MYO5B: variants seen among roughly 807,000 people sequenced by gnomAD.
The protein encoded by MYO5B is myosin VB.
MYO5B carries 143 observed loss-of-function variants against 229.3 expected under a neutral mutation model. That is an observed-to-expected ratio of 0.62 (90% CI 0.54 to 0.72). The LOEUF is 0.72. MYO5B is among the 30% of genes least tolerant of loss of function. MYO5B has a pLI of 0.00. For synonymous variants in MYO5B, 918 were observed against 885.2 expected (o/e 1.04, Z -0.66); for missense variants, 2,321 against 2,331.0 (o/e 1.00, Z 0.09).
intron 22 of MYO5B, among the ~76,000 whole-genome samples, chr18:49,890,614 C>T (rs1287942791): frequency 6.6e-6 from 1 of 152,120 alleles, no homozygotes; most frequent in Non-Finnish European, 1.5e-5. Flanking sequence ...CTTATGTTTT[C>T]AAGAGGGATA....
At chr18:50,022,886 G>A (rs1361358170) in intron 4 of MYO5B, among the ~76,000 whole-genome samples, 1 of 152,140 alleles carries the variant, frequency 6.6e-6, no homozygotes, top group Non-Finnish European at 1.5e-5. Flanking sequence ...CCCCGGACCA[G>A]ACTAAGGAAG....
At chr18:50,108,771 A>G (rs1052177123) in intron 1 of MYO5B, among the ~76,000 whole-genome samples, 23 of 152,222 alleles carry the variant, frequency 1.5e-4, no homozygotes, top group Non-Finnish European at 1.8e-4. Context: ...TAGTAACTCT[A>G]CTATTGAGGA....
intron 17 of MYO5B, among the ~76,000 whole-genome samples, chr18:49,916,898 A>C (rs1002926834): frequency 1.3e-5 from 2 of 152,250 alleles, no homozygotes; most frequent in Non-Finnish European, 2.9e-5. Flanking sequence ...GAAAATCTTC[A>C]AAGTGAAGCT....
intron 1 of MYO5B, among the ~76,000 whole-genome samples, chr18:50,179,002 A>G (rs2033035524): frequency 6.6e-6 from 1 of 152,168 alleles, no homozygotes; most frequent in African/African-American, 2.4e-5. Context: ...AAAGGTGAGG[A>G]CCTAGAACAC....
chr18:50,163,770 T>G (rs939825278), intron 1 of MYO5B, among the ~76,000 whole-genome samples: 1 of 152,156 alleles, frequency 6.6e-6, no homozygotes, highest in African/African-American at 2.4e-5. Context: ...CAGGACCCCA[T>G]GGAGCTGGCC....
At chr18:50,120,684 G>A (rs1423023031) in intron 1 of MYO5B, among the ~76,000 whole-genome samples, 2 of 152,122 alleles carry the variant, frequency 1.3e-5, no homozygotes, top group Admixed American at 6.6e-5. Context: ...CAGCTTCTTT[G>A]TATGTGATAT....
chr18:50,140,406 G>A (rs979733562), intron 1 of MYO5B, among the ~76,000 whole-genome samples: 1 of 152,334 alleles, frequency 6.6e-6, no homozygotes, highest in South Asian at 2.1e-4. Flanking sequence ...ATTAATTTTT[G>A]ATTGACACAA....
At chr18:50,061,225 G>T (rs1271034769) in intron 1 of MYO5B, among the ~76,000 whole-genome samples, 1 of 152,196 alleles carries the variant, frequency 6.6e-6, no homozygotes, top group Non-Finnish European at 1.5e-5. Context: ...TTATTAGCTT[G>T]TGTAAGTTGA....
At chr18:50,022,638 A>G (rs926268682) in intron 4 of MYO5B, among the ~76,000 whole-genome samples, 8 of 152,202 alleles carry the variant, frequency 5.3e-5, no homozygotes, top group Non-Finnish European at 1.2e-4. Context: ...GGAACATTCA[A>G]AAGTTTGTTA....
chr18:49,965,032 G>A (rs2025606456), intron 10 of MYO5B, among the ~76,000 whole-genome samples: 3 of 152,330 alleles, frequency 2.0e-5, no homozygotes, highest in South Asian at 2.1e-4. Context: ...CTTAGAGACC[G>A]GCAGGAGAAC....
intron 1 of MYO5B, among the ~76,000 whole-genome samples, chr18:50,152,913 T>G (rs1021048270): frequency 2.6e-5 from 4 of 151,444 alleles, no homozygotes; most frequent in African/African-American, 4.8e-5. Context: ...CACATGTCCC[T>G]TGTTCATATA....
At chr18:49,839,326 C>T in intron 35 of MYO5B, 32 bp from the exon 36 acceptor site, 1 of 1,609,474 alleles carries the variant, frequency 6.2e-7, no homozygotes, top group Non-Finnish European at 8.5e-7. Context: ...CTACTGAGTT[C>T]TCTGGTCTGC....
chr18:49,839,329 T>C (rs765281848), intron 35 of MYO5B, 35 bp from the exon 36 acceptor site: 6 of 1,609,048 alleles, frequency 3.7e-6, no homozygotes, highest in Non-Finnish European at 4.2e-6. Flanking sequence ...CTGAGTTCTC[T>C]GGTCTGCTGG....
chr18:49,877,788 G>C lies in MYO5B; in HGVS notation c.3371C>G (p.Thr1124Ser). The change falls in exon 25 of 40, where the codon ACT (threonine) becomes AGT (serine). Residue 1124 changes from threonine to serine, a missense_variant. Physicochemically the swap from Thr to Ser is moderately conservative, Grantham distance 58 (BLOSUM62 1). Coordinates refer to ENST00000285039, the MANE Select transcript of MYO5B (RefSeq NM_001080467.3). ...PSISTSEIGD[T>S]EDALQQVEEI... ...CTCCACCTGCTGGAGGGCATCCTCA[G>C]TGTCTCCGATCTCAGATGTGGAGAT... 1 of 1,614,142 alleles carries C rather than the reference G, an allele frequency of 6.2e-7. No individual in the cohort carries two copies. The highest frequency in any genetic ancestry group is 1.1e-5 in the South Asian group (1 of 91,086).
intron 1 of MYO5B, among the ~76,000 whole-genome samples, chr18:50,104,903 A>G (rs2031726924): frequency 6.6e-6 from 1 of 152,116 alleles, no homozygotes; most frequent in African/African-American, 2.4e-5. Context: ...AGAACTCCAA[A>G]GGCCAGAACA....
At chr18:50,173,541 T>C (rs557969379) in intron 1 of MYO5B, among the ~76,000 whole-genome samples, 22 of 152,288 alleles carry the variant, frequency 1.4e-4, no homozygotes, top group Non-Finnish European at 2.9e-4. Context: ...GGGAGTCAGT[T>C]GGAAAACAGT....
At chr18:50,194,288 G>A (rs541273788) in intron 1 of MYO5B, among the ~76,000 whole-genome samples, 5 of 152,296 alleles carry the variant, frequency 3.3e-5, no homozygotes, top group African/African-American at 1.2e-4. Context: ...TATGCGGGAG[G>A]AAAGGACGCC....
At chr18:49,938,686 C>T (rs567365522) in intron 14 of MYO5B, among the ~76,000 whole-genome samples, 185 of 152,274 alleles carry the variant, frequency 1.2e-3, no homozygotes, top group African/African-American at 4.3e-3. Flanking sequence ...CCCACTCACC[C>T]CTCTCAGACA....
At chr18:50,015,790 A>T (rs1232595010) in intron 4 of MYO5B, among the ~76,000 whole-genome samples, 1 of 152,202 alleles carries the variant, frequency 6.6e-6, no homozygotes, top group Admixed American at 6.5e-5. Flanking sequence ...TCTGCTGAAT[A>T]AACAGCTCCT....
Sources: gnomAD v4.1 joint callset for allele counts (sites outside exome capture counted in the v4.1 genomes callset) on GRCh38, gnomAD v4.1.1 for gene constraint, MANE v1.5 for transcripts, NCBI Gene and HGNC (gene_info 2026-07-23, HGNC 2026-07-21) for gene names.